UNC13C: variants seen among roughly 807,000 people sequenced by gnomAD.
UNC13C encodes protein unc-13 homolog C.
A neutral mutation model predicts 245.4 loss-of-function variants in UNC13C; 174 were observed. The observed-to-expected ratio is 0.71, with a 90% CI of 0.63 to 0.80. UNC13C has a LOEUF of 0.80. Ranked by LOEUF, UNC13C falls within the 30% of genes least tolerant of loss-of-function variation. The pLI, the probability that UNC13C is intolerant of heterozygous loss-of-function variation, is 0.00. For synonymous variants in UNC13C, 992 were observed against 895.1 expected (o/e 1.11, Z -1.93); for missense variants, 2,829 against 2,602.9 (o/e 1.09, Z -1.89).
chr15:54,084,877 A>G (rs1161564649), intron 2 of UNC13C, among the ~76,000 whole-genome samples: 1 of 152,208 alleles, frequency 6.6e-6, no homozygotes, highest in Non-Finnish European at 1.5e-5. Flanking sequence ...AATTGCAAGA[A>G]TTAAGAAAAA....
At chr15:53,887,307 T>C in the UNC13C span, among the ~76,000 whole-genome samples, 1 of 152,144 alleles carries the variant, frequency 6.6e-6, no homozygotes, top group Non-Finnish European at 1.5e-5. Context: ...ATCCTTAAAA[T>C]CCCCCGTTAT....
intron 4 of UNC13C, among the ~76,000 whole-genome samples, chr15:54,147,380 C>G (rs113056119): frequency 4.3e-4 from 66 of 152,026 alleles, no homozygotes; most frequent in Non-Finnish European, 7.2e-4. Context: ...CCACCACGCC[C>G]GGCCATTTTT....
At chr15:53,972,152 A>G in the UNC13C span, among the ~76,000 whole-genome samples, 2 of 152,230 alleles carry the variant, frequency 1.3e-5, no homozygotes, top group African/African-American at 2.4e-5. Context: ...GGAGAGAGAA[A>G]AAACGGCAAA....
At position 54,264,520 on chromosome 15, in the gene UNC13C, A is replaced by G. The variant is rs7164366; in HGVS notation, c.3676+125A>G. On this transcript the variant is annotated intron_variant, in intron 9 of 32. Coordinates refer to ENST00000260323, the MANE Select transcript of UNC13C (RefSeq NM_001080534.3). ...TTTTTTGAATCATGTTAATATGAAC[A>G]AGACTAGTTGGTACTTCACATTTTG... 4.7e-3 allele frequency: 3,550 copies of G among 755,650 alleles called. 116 individuals carry two copies. In the African/African-American group the frequency reaches 0.058, roughly 12 times the overall value. 46.8% of individuals were successfully genotyped at this position (755,650 alleles called of 1,614,324 possible). A position where few individuals can be genotyped will look rare whatever the true frequency, so the allele number is the denominator to read the frequency against.
rs1400824121 is a variant in UNC13C, at chr15:54,500,176, G to A, written c.5157+1G>A. On this transcript the variant is annotated splice_donor_variant, in intron 21 of 32. Transcript: ENST00000260323. LOFTEE classifies it high-confidence loss of function. ...ACTGGGAAGAGACAAAAAAGATGGA[G>A]TGAGTTTAAATTACCTTAAGAAAGT... The A allele has an allele frequency of 1.2e-6, 2 of 1,604,854 alleles. No individual in the cohort carries two copies. Among genetic ancestry groups the A allele is most frequent in the Non-Finnish European group, 8.5e-7 (1 of 1,175,042 alleles).
intron 10 of UNC13C, among the ~76,000 whole-genome samples, chr15:54,291,340 T>G (rs1262868279): frequency 6.6e-6 from 1 of 151,970 alleles, no homozygotes; most frequent in Non-Finnish European, 1.5e-5. Flanking sequence ...TCCCCACAAT[T>G]TCTACCTCAT....
the UNC13C span, among the ~76,000 whole-genome samples, chr15:53,916,335 A>C: frequency 6.6e-6 from 1 of 152,238 alleles, no homozygotes; most frequent in Non-Finnish European, 1.5e-5. Flanking sequence ...GGACATCCTG[A>C]ACAATGAGAA....
At chr15:54,120,941 G>A (rs1422850105) in intron 2 of UNC13C, among the ~76,000 whole-genome samples, 2 of 152,148 alleles carry the variant, frequency 1.3e-5, no homozygotes, top group Non-Finnish European at 2.9e-5. Flanking sequence ...TCTTATGGAT[G>A]AGCAAAGTAA....
At chr15:54,047,383 TATGTACCCGTTAATCA>T (rs1025397760) in intron 2 of UNC13C, among the ~76,000 whole-genome samples, 1 of 152,022 alleles carries the variant, frequency 6.6e-6, no homozygotes, top group African/African-American at 2.4e-5. Context: ...AAGCAGAAGC[TATGTACCCGTTAATCA>T]ATAGCCAACC....
At chr15:54,480,974 A>G (rs75364978) in intron 19 of UNC13C, among the ~76,000 whole-genome samples, 2,207 of 152,302 alleles carry the variant, frequency 0.014, 44 homozygotes, top group African/African-American at 0.049. Flanking sequence ...CACTAGCTGT[A>G]GGGTCTCAGG....
At chr15:53,894,327 A>G in the UNC13C span, among the ~76,000 whole-genome samples, 1 of 152,238 alleles carries the variant, frequency 6.6e-6, no homozygotes, top group Non-Finnish European at 1.5e-5. Flanking sequence ...TAATGGCTTA[A>G]TAATAGTCAG....
chr15:53,859,314 A>T, the UNC13C span, among the ~76,000 whole-genome samples: 3 of 152,144 alleles, frequency 2.0e-5, no homozygotes, highest in African/African-American at 4.8e-5. Flanking sequence ...CAAATATATC[A>T]TCCTGACTAC....
At chr15:54,589,118 C>T (rs768909434) in intron 30 of UNC13C, among the ~76,000 whole-genome samples, 1 of 151,934 alleles carries the variant, frequency 6.6e-6, no homozygotes, top group Non-Finnish European at 1.5e-5. Context: ...AGAAGTGTTC[C>T]CTGATCACCG....
At chr15:54,549,717 T>C (rs1335905110) in intron 28 of UNC13C, 26 bp downstream of exon 28, 2 of 1,513,122 alleles carry the variant, frequency 1.3e-6, no homozygotes, top group Non-Finnish European at 1.8e-6. Context: ...AAATTACTTA[T>C]TCATGGAAAG....
In UNC13C at chr15:54,240,506, T is replaced by A. The variant is rs554510135; in HGVS notation, c.3228+2816T>A. 7.1e-4 allele frequency among the ~76,000 whole-genome samples: 108 copies of A among 152,330 alleles called. 5 individuals are homozygous for A. The South Asian group carries it at 0.022, about 30-fold the overall frequency. On this transcript the variant is annotated intron_variant, in intron 7 of 32. Coordinates refer to ENST00000260323, the MANE Select transcript of UNC13C (RefSeq NM_001080534.3). ...CACTTCTATTTTAATTAAAGAAATG[T>A]ACACTTTGAAGCTCAGTCATCTTTT...
Position 54,537,164 on chromosome 15 carries a change from G to A in UNC13C, c.5696+4098G>A, listed in dbSNP as rs549569750. 3.3e-5 allele frequency among the ~76,000 whole-genome samples: 5 copies of A among 152,202 alleles called. No homozygotes were observed. In the South Asian group the frequency reaches 1.0e-3, roughly 32 times the overall value. On this transcript the variant is annotated intron_variant, in intron 26 of 32. Coordinates refer to ENST00000260323, the MANE Select transcript of UNC13C (RefSeq NM_001080534.3). Reference sequence around the variant, plus strand: ...CAAAATTAATATACAAAAATCAGTAGTATTTCTATGCACCAACAGCATCCA... The same window carrying A: ...CAAAATTAATATACAAAAATCAGTAATATTTCTATGCACCAACAGCATCCA...
At chr15:53,998,081 G>A (rs369621352) in intron 1 of UNC13C, among the ~76,000 whole-genome samples, 13 of 152,214 alleles carry the variant, frequency 8.5e-5, no homozygotes, top group African/African-American at 2.9e-4. Flanking sequence ...AGGATTACAG[G>A]TATGAGCCAC....
At position 54,149,459 on chromosome 15, in the gene UNC13C, G is replaced by C. The variant is rs1044556188; in HGVS notation, c.3071+5775G>C. ...GGGCCCACTTTCATAATTCATTACT[G>C]TATAGCCAGTGACTCATCATGCCCA... On this transcript the variant is annotated intron_variant, in intron 4 of 32. Transcript: ENST00000260323. 1.2e-4 allele frequency among the ~76,000 whole-genome samples: 19 copies of C among 152,252 alleles called. No individual in the cohort carries two copies. In the East Asian group the frequency reaches 3.5e-3, roughly 28 times the overall value.
At chr15:54,551,453 CA>C (rs1896732698) in intron 28 of UNC13C, among the ~76,000 whole-genome samples, 3 of 152,090 alleles carry the variant, frequency 2.0e-5, no homozygotes, top group South Asian at 4.1e-4. Flanking sequence ...GGGTACAACC[CA>C]ATCCAAATCC....
Sources: gnomAD v4.1 joint callset for allele counts (sites outside exome capture counted in the v4.1 genomes callset) on GRCh38, gnomAD v4.1.1 for gene constraint, MANE v1.5 for transcripts, NCBI Gene and HGNC (gene_info 2026-07-23, HGNC 2026-07-21) for gene names.